Variants in RTF1 observed in about 807,000 individuals in gnomAD.
RTF1 encodes RNA polymerase-associated protein RTF1 homolog.
RTF1 carries 10 observed loss-of-function variants against 95.7 expected under a neutral mutation model. The observed-to-expected ratio is 0.10, with a 90% CI of 0.06 to 0.18. The LOEUF (loss-of-function observed/expected upper bound fraction) is 0.18. Among genes scored for constraint, RTF1 ranks in the 10% least tolerant of loss-of-function variants. The pLI, the probability that RTF1 is intolerant of heterozygous loss-of-function variation, is 1.00. For missense variants in RTF1, 458 were observed against 875.6 expected (o/e 0.52, Z 6.02); for synonymous variants, 305 against 311.8 (o/e 0.98, Z 0.23).
chr15:41,440,693 GT>G, intron 2 of RTF1, among the ~76,000 whole-genome samples: 1 of 148,982 alleles, frequency 6.7e-6, no homozygotes, highest in African/African-American at 2.5e-5. Context: ...GTTTCACCAC[GT>G]TAGCCAAGAT....
chr15:41,474,065 C>A (rs992582538), intron 8 of RTF1, among the ~76,000 whole-genome samples: 1 of 152,002 alleles, frequency 6.6e-6, no homozygotes. Flanking sequence ...AAAAGAGAGA[C>A]TGGGTCTCTC....
At position 41,481,277 on chromosome 15, in the gene RTF1, GTGTA is replaced by G. The variant is rs1263075754; in HGVS notation, c.*594_*597del. 3.3e-5 allele frequency: 5 copies of G among 153,358 alleles called. No homozygotes were observed. Among genetic ancestry groups the G allele is most frequent in the Admixed American group, 1.3e-4 (2 of 15,584 alleles). The allele number at this position is 153,358 out of a possible 1,614,324, so 9.5% of individuals were successfully genotyped here. ...GGGGGTCTAATTTGAGAGCGAGAGT[GTGTA>G]TGTGTGTGTGTGTAAGTGTGTGGAT... On this transcript the variant is annotated 3_prime_UTR_variant, in exon 18 of 18. Coordinates refer to ENST00000389629, the MANE Select transcript of RTF1 (RefSeq NM_015138.5).
At chr15:41,433,843 CTTTTT>C (rs11326489) in intron 1 of RTF1, among the ~76,000 whole-genome samples, 23 of 126,078 alleles carry the variant, frequency 1.8e-4, no homozygotes, top group African/African-American at 6.5e-4. Flanking sequence ...TGCTACCACA[CTTTTT>C]TTTTTTTTTT....
Position 41,475,952 on chromosome 15 carries a change from C to T in RTF1, c.1482+133C>T, listed in dbSNP as rs1010480519. 1.2e-5 allele frequency: 7 copies of T among 593,388 alleles called. No individual in the cohort carries two copies. The Admixed American group carries it at 1.2e-4, about 10-fold the overall frequency. 36.8% of individuals were successfully genotyped at this position (593,388 alleles called of 1,614,324 possible). A position where few individuals can be genotyped will look rare whatever the true frequency, so the allele number is the denominator to read the frequency against. On this transcript the variant is annotated intron_variant, in intron 11 of 17. Transcript: ENST00000389629. ...AAATGAGGGAATACTAATATTACTA[C>T]CTGATTATTTATAGTTCATCAAGCT... is the stretch of plus-strand genomic sequence containing the variant.
In RTF1 at chr15:41,479,257, A is replaced by G. The variant is rs2050957952; in HGVS notation, c.1914+59A>G. On this transcript the variant is annotated intron_variant, in intron 16 of 17. Coordinates refer to ENST00000389629, the MANE Select transcript of RTF1 (RefSeq NM_015138.5). ...GAGGCTGCTGGCTGAGATACCGAAC[A>G]AGTACCTTGTCTAGTTTGGGCTTGA... is the stretch of plus-strand genomic sequence containing the variant. The G allele has an allele frequency of 2.5e-6, 3 of 1,202,012 alleles. No individual in the cohort carries two copies. The South Asian group carries it at 3.7e-5, about 15-fold the overall frequency. 74.5% of individuals were successfully genotyped at this position (1,202,012 alleles called of 1,614,324 possible).
At chr15:41,428,599 G>A (rs1394763527) in intron 1 of RTF1, among the ~76,000 whole-genome samples, 1 of 150,182 alleles carries the variant, frequency 6.7e-6, no homozygotes, top group African/African-American at 2.5e-5. Context: ...TGAAGACAGG[G>A]TCTCACTCTG....
intron 9 of RTF1, 66 bp downstream of exon 9, chr15:41,474,768 G>A (rs167581): frequency 1 from 1,116,620 of 1,118,090 alleles, 557,576 homozygotes; most frequent in East Asian, 1. Flanking sequence ...GGGGGCTGCT[G>A]TTCTCTCTGT....
Position 41,457,745 on chromosome 15 carries a change from G to A in RTF1, c.531G>A (p.Glu177=). Residue 177 remains glutamate (E), a synonymous_variant, in exon 4 of 18, where the codon GAG becomes GAA. Coordinates refer to ENST00000389629, the MANE Select transcript of RTF1 (RefSeq NM_015138.5). ...SDSDSSSEDE[E]FHDGYGEDLM... is the part of the protein sequence containing the mutation. ...CAGACTCTTCCTCAGAAGATGAAGAGTTCCATGATGGCTATGGAGAAGACC... is the reference window on the plus strand; with the variant it reads ...CAGACTCTTCCTCAGAAGATGAAGAATTCCATGATGGCTATGGAGAAGACC... The A allele has an allele frequency of 1.2e-6, 2 of 1,614,176 alleles. No homozygotes were observed. The highest frequency in any genetic ancestry group is 1.3e-5 in the African/African-American group (1 of 75,056).
intron 1 of RTF1, among the ~76,000 whole-genome samples, chr15:41,420,419 G>A (rs999873558): frequency 6.6e-6 from 1 of 152,168 alleles, no homozygotes; most frequent in African/African-American, 2.4e-5. Flanking sequence ...CAAGTTCACT[G>A]TCAGTGCTGC....
rs1566852033 is a variant in RTF1, at chr15:41,481,916, C to T, written c.*1229C>T. ...CTAACACGGTGAAACCCCATCTCTA[C>T]TAAAACTACAAAACTTAGCCGGGCA... On this transcript the variant is annotated 3_prime_UTR_variant, in exon 18 of 18. Transcript: ENST00000389629. The T allele has an allele frequency of 6.6e-6, 1 of 152,184 alleles. No homozygotes were observed. The highest frequency in any genetic ancestry group is 1.5e-5 in the Non-Finnish European group (1 of 68,050). The allele number at this position is 152,184 out of a possible 1,614,324, so 9.4% of individuals were successfully genotyped here. A position where few individuals can be genotyped will look rare whatever the true frequency, so the allele number is the denominator to read the frequency against.
Position 41,421,390 on chromosome 15 carries a change from A to T in RTF1, c.198+4077A>T, listed in dbSNP as rs544009055. Among the ~76,000 whole-genome samples the T allele has an allele frequency of 4.0e-5, 6 of 150,900 alleles. No homozygotes were observed. In the East Asian group the frequency reaches 1.2e-3, roughly 30 times the overall value. On this transcript the variant is annotated intron_variant, in intron 1 of 17. Coordinates refer to ENST00000389629, the MANE Select transcript of RTF1 (RefSeq NM_015138.5). ...AGAATCACTTGAACCCAGGAGGTGGAGGCTGTGGTGAGCCGAGATCGTGCC... is the reference window on the plus strand; with the variant it reads ...AGAATCACTTGAACCCAGGAGGTGGTGGCTGTGGTGAGCCGAGATCGTGCC...
intron 8 of RTF1, 91 bp downstream of exon 8, chr15:41,471,440 T>G: frequency 2.3e-6 from 3 of 1,299,242 alleles, no homozygotes. Flanking sequence ...TCGATCACTC[T>G]TCTCTCAGCA....
At chr15:41,433,127 A>G (rs937224789) in intron 1 of RTF1, among the ~76,000 whole-genome samples, 1 of 151,818 alleles carries the variant, frequency 6.6e-6, no homozygotes, top group Non-Finnish European at 1.5e-5. Flanking sequence ...GTGCACCTAT[A>G]GTCCCAGCTA....
chr15:41,458,512 C>T (rs975098355), intron 4 of RTF1, among the ~76,000 whole-genome samples: 3 of 151,994 alleles, frequency 2.0e-5, no homozygotes, highest in Non-Finnish European at 4.4e-5. Context: ...TTTGGGAGGC[C>T]GAGGTGGACG....
rs1041899651 is a variant in RTF1, at chr15:41,482,260, T to G, written c.*1573T>G. 6.6e-6 allele frequency: 1 copy of G among 152,554 alleles called. No individual in the cohort carries two copies. The highest frequency in any genetic ancestry group is 1.5e-5 in the Non-Finnish European group (1 of 68,038). 9.5% of individuals were successfully genotyped at this position (152,554 alleles called of 1,614,324 possible). A position where few individuals can be genotyped will look rare whatever the true frequency, so the allele number is the denominator to read the frequency against. ...TGATAATCACTCTCAGGTGTAAAGC[T>G]CCAAGTGTAAATAAAAGTGGCATTT... On this transcript the variant is annotated 3_prime_UTR_variant, in exon 18 of 18. Coordinates refer to ENST00000389629, the MANE Select transcript of RTF1 (RefSeq NM_015138.5).
chr15:41,433,439 A>T (rs2050685825), intron 1 of RTF1, among the ~76,000 whole-genome samples: 1 of 151,796 alleles, frequency 6.6e-6, no homozygotes, highest in Non-Finnish European at 1.5e-5. Context: ...GACTCAAGTG[A>T]TTCTCCCACC....
chr15:41,471,294 C>T lies in RTF1; in HGVS notation c.1148C>T (p.Thr383Ile). Reference protein sequence around the residue: ...CHMPFFAKTVTGCFVRIGIGN... With the variant: ...CHMPFFAKTVIGCFVRIGIGN... ...ATGCCCTTCTTTGCTAAAACTGTCA[C>T]AGGATGTTTTGTGCGGATTGGCATC... is the stretch of plus-strand genomic sequence containing the variant. Residue 383 changes from threonine to isoleucine, a missense_variant, in exon 8 of 18, where the codon ACA becomes ATA. Physicochemically the swap from Thr to Ile is moderately conservative, Grantham distance 89. Around this residue, in one of 11 missense-constraint regions of RTF1, gnomAD observed 150 missense variants for 275.7 expected, o/e 0.54. Coordinates refer to ENST00000389629, the MANE Select transcript of RTF1 (RefSeq NM_015138.5). The T allele has an allele frequency of 6.2e-7, 1 of 1,613,996 alleles. No homozygotes were observed. The highest frequency in any genetic ancestry group is 8.5e-7 in the Non-Finnish European group (1 of 1,180,004).
At chr15:41,464,504 G>T (rs1210430032) in intron 4 of RTF1, among the ~76,000 whole-genome samples, 3 of 152,154 alleles carry the variant, frequency 2.0e-5, no homozygotes, top group East Asian at 1.9e-4. Flanking sequence ...CTCCCAAAAT[G>T]CTGGGATTAC....
Position 41,480,589 on chromosome 15 carries a change from G to A in RTF1, c.2035G>A (p.Ala679Thr), listed in dbSNP as rs1382295778. ...DLQVPSSESK[A>T]LAITSKAPPA... ...GCTCTTCTTTCCCACAGAGTCAAAG[G>A]CTTTAGCCATCACCTCCAAGGCTCC... The change falls in exon 18 of 18, where the codon GCT becomes ACT. Residue 679 changes from alanine to threonine, a missense_variant. Ala to Thr is a moderately conservative substitution (Grantham distance 58). Coordinates refer to ENST00000389629, the MANE Select transcript of RTF1 (RefSeq NM_015138.5). 4 of 1,613,494 alleles carry A rather than the reference G, an allele frequency of 2.5e-6. No individual in the cohort carries two copies. Among genetic ancestry groups the A allele is most frequent in the South Asian group, 2.2e-5 (2 of 91,072 alleles).
Sources: gnomAD v4.1 joint callset for allele counts (sites outside exome capture counted in the v4.1 genomes callset) on GRCh38, gnomAD v4.1.1 for gene constraint, gnomAD v4.1.1 regional missense constraint, MANE v1.5 for transcripts, NCBI Gene and HGNC (gene_info 2026-07-23, HGNC 2026-07-21) for gene names.